The following KRT86 variants were observed in gnomAD, a reference collection of about 807,000 sequenced individuals.
KRT86 encodes keratin, type II cuticular Hb6.
In KRT86, 30 loss-of-function variants were observed where a neutral mutation model predicts 41.2. That is an observed-to-expected ratio of 0.73 (90% CI 0.54 to 0.99). The LOEUF (loss-of-function observed/expected upper bound fraction) is 0.99. KRT86 is among the 50% of genes least tolerant of loss of function. KRT86 has a pLI of 0.00. For synonymous variants in KRT86, 238 were observed against 238.1 expected (o/e 1.00, Z 0.00); for missense variants, 561 against 571.4 (o/e 0.98, Z 0.19).
intron 2 of KRT86, among the ~76,000 whole-genome samples, chr12:52,279,459 C>T (rs1183575639): frequency 1.3e-5 from 2 of 152,210 alleles, no homozygotes; most frequent in Non-Finnish European, 2.9e-5. Flanking sequence ...GCCAGCTTAC[C>T]TGGACCAAGA....
rs567840643 is a variant in KRT86 at position 52,287,620 on chromosome 12, G to C, written c.-5+11674G>C. ...CCTGGCACTTGGCATTCTCCACCTC[G>C]GCCGTCAGCCTTTGGATCATGCGGT... On this transcript the variant is annotated intron_variant, in intron 2 of 10. Coordinates refer to ENST00000423955, the MANE Select transcript of KRT86 (RefSeq NM_001320198.2). 17 of 1,613,900 alleles carry C rather than the reference G, an allele frequency of 1.1e-5. 1 individual carries two copies. The highest frequency in any genetic ancestry group is 1.7e-4 in the Middle Eastern group (1 of 6,054).
rs1040228294 is a variant in KRT86 at position 52,306,300 on chromosome 12, C to G, written c.1247+20C>G. The G allele has an allele frequency of 3.1e-6, 5 of 1,613,092 alleles. No homozygotes were observed. Among genetic ancestry groups the G allele is most frequent in the Middle Eastern group, 3.9e-4 (2 of 5,152 alleles). ...GCAGAGGTGGGTCCCATAGACCTTT[C>G]CCTTTCCCAGCCCTGCCAGGGTTCT... On this transcript the variant is annotated intron_variant, in intron 9 of 10. Coordinates refer to ENST00000423955, the MANE Select transcript of KRT86 (RefSeq NM_001320198.2).
intron 2 of KRT86, chr12:52,286,041 C>A: frequency 1.7e-6 from 1 of 590,886 alleles, no homozygotes; most frequent in South Asian, 2.0e-5. Context: ...CCTATGGGTG[C>A]CAGCGGACTT....
intron 2 of KRT86, 42 bp from the exon 3 acceptor site, chr12:52,301,871 C>A (rs756381120): frequency 1.2e-6 from 2 of 1,613,610 alleles, no homozygotes; most frequent in South Asian, 1.1e-5. Flanking sequence ...GCTCTCCATT[C>A]GGACGTCTCC....
intron 2 of KRT86, among the ~76,000 whole-genome samples, chr12:52,299,646 G>T (rs1938327925): frequency 6.6e-6 from 1 of 152,126 alleles, no homozygotes; most frequent in African/African-American, 2.4e-5. Flanking sequence ...ATTTTAATTG[G>T]GTTGAGATGA....
chr12:52,300,776 T>C (rs1938354530), intron 2 of KRT86, among the ~76,000 whole-genome samples: 2 of 152,236 alleles, frequency 1.3e-5, no homozygotes, highest in African/African-American at 4.8e-5. Context: ...TGTGGCTCTA[T>C]TTGATCTCAT....
intron 2 of KRT86, chr12:52,287,375 G>A (rs1937981425): frequency 1.2e-6 from 2 of 1,605,488 alleles, no homozygotes; most frequent in Non-Finnish European, 1.7e-6. Flanking sequence ...TCTCTCTGAT[G>A]CTCATCCAAA....
Position 52,305,375 on chromosome 12 carries a change from G to C in KRT86, c.871G>C (p.Ala291Pro), listed in dbSNP as rs1380702999. ...QYDDIVTRSRAEAESWYRSKC... is the reference protein window; with the variant it reads ...QYDDIVTRSRPEAESWYRSKC... ...CGATGACATTGTCACCCGTAGCCGG[G>C]CTGAGGCCGAGTCCTGGTACCGCAG... Residue 291 changes from alanine to proline, a missense_variant, in exon 7 of 11, where the codon GCT (alanine) becomes CCT (proline). Transcript: ENST00000423955. The C allele has an allele frequency of 5.6e-6, 9 of 1,614,234 alleles. No individual in the cohort carries two copies. The highest frequency in any genetic ancestry group is 7.6e-6 in the Non-Finnish European group (9 of 1,180,046).
chr12:52,301,971 G>C lies in KRT86; in HGVS notation c.55G>C (p.Gly19Arg). ...CGCCTTCAGCTGCATCTCGGCCTGC[G>C]GGCCCCGGCCCGGCCGCTGCTGCAT... ...GRAFSCISAC[G>R]PRPGRCCITA... The change falls in exon 3 of 11, where the codon GGG becomes CGG. Residue 19 changes from glycine to arginine, a missense_variant. Around this residue, in one of 3 missense-constraint regions of KRT86, gnomAD observed 164 missense variants for 172.5 expected, o/e 0.95. Coordinates refer to ENST00000423955, the MANE Select transcript of KRT86 (RefSeq NM_001320198.2). 3.7e-6 allele frequency: 6 copies of C among 1,613,584 alleles called. 1 individual carries two copies. Among genetic ancestry groups the C allele is most frequent in the South Asian group, 3.3e-5 (3 of 91,086 alleles).
chr12:52,281,632 C>G (rs1215595336), intron 2 of KRT86, among the ~76,000 whole-genome samples: 2 of 152,148 alleles, frequency 1.3e-5, no homozygotes, highest in Non-Finnish European at 2.9e-5. Context: ...GATCCTGTTC[C>G]CAGTCTTATT....
At position 52,288,305 on chromosome 12, in the gene KRT86, C is replaced by A. The variant is rs1837816554; in HGVS notation, c.-5+12359C>A. On this transcript the variant is annotated intron_variant, in intron 2 of 10. Transcript: ENST00000423955. ...CCCACATCCTGTCCAACACTCCCAC[C>A]CCCAACTCTCCTCTCTGCTGGCTGC... is the stretch of plus-strand genomic sequence containing the variant. The A allele has an allele frequency of 2.5e-6, 4 of 1,611,200 alleles. No individual in the cohort carries two copies. The East Asian group carries it at 8.9e-5, about 36-fold the overall frequency.
chr12:52,285,810 C>G, intron 2 of KRT86: 1 of 226,710 alleles, frequency 4.4e-6, no homozygotes, highest in Non-Finnish European at 8.9e-6. Flanking sequence ...GAAAACTGTA[C>G]TGGAGACCCT....
intron 2 of KRT86, chr12:52,286,965 C>G: frequency 6.4e-7 from 1 of 1,550,708 alleles, no homozygotes. Context: ...AACTCACACA[C>G]CAGCCCTCCC....
chr12:52,307,885 C>G (rs1938552570), intron 9 of KRT86, among the ~76,000 whole-genome samples: 1 of 152,248 alleles, frequency 6.6e-6, no homozygotes, highest in African/African-American at 2.4e-5. Flanking sequence ...CAGCTAATAG[C>G]TCTTAAGGGC....
intron 2 of KRT86, among the ~76,000 whole-genome samples, chr12:52,293,705 C>T (rs1938187971): frequency 6.6e-6 from 1 of 152,124 alleles, no homozygotes; most frequent in Admixed American, 6.5e-5. Flanking sequence ...TGGTATATGG[C>T]AATACTTTGA....
chr12:52,277,379 C>T (rs146816879), intron 2 of KRT86, among the ~76,000 whole-genome samples: 1 of 152,308 alleles, frequency 6.6e-6, no homozygotes, highest in Non-Finnish European at 1.5e-5. Context: ...TGTGCTCACT[C>T]CTTGCAACCA....
At chr12:52,281,103 C>T (rs541447104) in intron 2 of KRT86, among the ~76,000 whole-genome samples, 2 of 152,312 alleles carry the variant, frequency 1.3e-5, no homozygotes, top group South Asian at 2.1e-4. Context: ...GAGAGGCTCC[C>T]CTGGCCATGG....
At chr12:52,307,883 A>G (rs561351551) in intron 9 of KRT86, among the ~76,000 whole-genome samples, 164 of 152,358 alleles carry the variant, frequency 1.1e-3, no homozygotes, top group African/African-American at 3.6e-3. Context: ...GGCAGCTAAT[A>G]GCTCTTAAGG....
At chr12:52,282,749 C>T (rs1307691170) in intron 2 of KRT86, among the ~76,000 whole-genome samples, 3 of 152,224 alleles carry the variant, frequency 2.0e-5, no homozygotes, top group Non-Finnish European at 4.4e-5. Flanking sequence ...CACTCCCCAT[C>T]GGTGACCCCT....
Sources: allele counts gnomAD v4.1 joint callset (sites outside exome capture counted in the v4.1 genomes callset), GRCh38; gene constraint gnomAD v4.1.1; regional missense constraint gnomAD v4.1.1; transcripts MANE v1.5; gene names NCBI Gene and HGNC (gene_info 2026-07-23, HGNC 2026-07-21).